The following PPFIA2 variants were observed in gnomAD, a reference collection of about 807,000 sequenced individuals.
The protein encoded by PPFIA2 is PPFI scaffold protein A2, also known as liprin-alpha-2.
Under a neutral mutation model 175.5 loss-of-function variants are expected in PPFIA2, and 46 were observed. The observed-to-expected ratio is 0.26, with a 90% CI of 0.21 to 0.34. The LOEUF is 0.34. Ranked by LOEUF, PPFIA2 falls within the 10% of genes least tolerant of loss-of-function variation. The probability of loss-of-function intolerance (pLI) is 1.00; values close to 1 mark genes in which losing one functional copy is unlikely to be tolerated. For synonymous variants in PPFIA2, 568 were observed against 511.4 expected (o/e 1.11, Z -1.49); for missense variants, 1,179 against 1,506.1 (o/e 0.78, Z 3.60).
chr12:81,582,248 T>C (rs957871073), intron 4 of PPFIA2, among the ~76,000 whole-genome samples: 38 of 152,018 alleles, frequency 2.5e-4, no homozygotes, highest in Non-Finnish European at 2.4e-4. Context: ...TCAAAGAGTC[T>C]TGCTTTTGAA....
intron 3 of PPFIA2, among the ~76,000 whole-genome samples, chr12:81,703,424 C>G (rs150131253): frequency 6.6e-6 from 1 of 152,174 alleles, no homozygotes; most frequent in East Asian, 1.9e-4. Flanking sequence ...AGTCCTATCC[C>G]TTAAGTAGTC....
In PPFIA2 at chr12:81,347,608, G is replaced by T. The variant is rs1194901799; in HGVS notation, c.2157C>A (p.Pro719=). The change falls in exon 18 of 33, where the codon CCC becomes CCA. Residue 719 remains proline, a synonymous_variant. Coordinates refer to ENST00000549396, the MANE Select transcript of PPFIA2 (RefSeq NM_003625.5). Reference sequence around the variant, plus strand: ...TGAGCTTTGGAGTTGAGTGTCCACTGGGGGGAGATGAACTGGCCAGCGATG... The same window carrying T: ...TGAGCTTTGGAGTTGAGTGTCCACTTGGGGGAGATGAACTGGCCAGCGATG... The part of the protein sequence containing the change: ...TASSLASSSP[P]SGHSTPKLTP... 1 of 1,613,570 alleles carries T rather than the reference G, an allele frequency of 6.2e-7. No individual in the cohort carries two copies. Among genetic ancestry groups the T allele is most frequent in the Admixed American group, 1.7e-5 (1 of 60,002 alleles).
intron 22 of PPFIA2, among the ~76,000 whole-genome samples, chr12:81,310,803 A>C (rs1594564695): frequency 1.3e-5 from 2 of 152,182 alleles, no homozygotes; most frequent in Admixed American, 6.5e-5. Context: ...TAACTGAAGC[A>C]AATAATACAT....
chr12:81,451,494 T>G (rs2052574723), intron 5 of PPFIA2, among the ~76,000 whole-genome samples: 1 of 152,174 alleles, frequency 6.6e-6, no homozygotes, highest in African/African-American at 2.4e-5. Context: ...TTTACAAAGC[T>G]AAGAAATGTG....
intron 8 of PPFIA2, among the ~76,000 whole-genome samples, chr12:81,399,318 A>AAAAT (rs2041734337): frequency 6.8e-6 from 1 of 147,484 alleles, no homozygotes; most frequent in African/African-American, 2.5e-5. Context: ...AAAAAAAAAA[A>AAAAT]TTCTGAGTAC....
chr12:81,466,100 T>A (rs2055571259), intron 4 of PPFIA2, among the ~76,000 whole-genome samples: 1 of 152,094 alleles, frequency 6.6e-6, no homozygotes, highest in East Asian at 1.9e-4. Flanking sequence ...ATCGCCTGCA[T>A]AACTAATGTA....
At chr12:81,598,047 A>G (rs1162230178) in intron 4 of PPFIA2, 1 of 1,534,826 alleles carries the variant, frequency 6.5e-7, no homozygotes, top group Non-Finnish European at 8.7e-7. Flanking sequence ...GATCACTGAG[A>G]CAATATAATC....
chr12:81,374,256 T>A lies in PPFIA2; in HGVS notation c.1266+378A>T, dbSNP rs2035857710. ...TAGTTGGAGAGGAATCAAGAAGTTA[T>A]GATATTCTCTATACTTCTAATAGCA... On this transcript the variant is annotated intron_variant, in intron 11 of 32. Transcript: ENST00000549396. Among the ~76,000 whole-genome samples the A allele has an allele frequency of 2.0e-5, 3 of 152,146 alleles. No individual in the cohort carries two copies. In the South Asian group the frequency reaches 6.2e-4, roughly 31 times the overall value.
intron 4 of PPFIA2, among the ~76,000 whole-genome samples, chr12:81,498,976 G>T (rs1387092544): frequency 1.3e-5 from 2 of 152,154 alleles, no homozygotes; most frequent in Non-Finnish European, 2.9e-5. Context: ...GTAAAGAAAA[G>T]AACTGTGCAT....
chr12:81,304,225 G>A (rs922416015), intron 22 of PPFIA2, among the ~76,000 whole-genome samples: 1 of 152,060 alleles, frequency 6.6e-6, no homozygotes, highest in African/African-American at 2.4e-5. Flanking sequence ...TGAATTTGTT[G>A]GTTCACAAGT....
intron 3 of PPFIA2, among the ~76,000 whole-genome samples, chr12:81,717,745 A>G (rs1430201823): frequency 6.6e-6 from 1 of 151,750 alleles, no homozygotes; most frequent in Non-Finnish European, 1.5e-5. Context: ...ACCTTTCAGG[A>G]TTGTGTCTTA....
chr12:81,658,479 A>G (rs1047074117), intron 4 of PPFIA2, among the ~76,000 whole-genome samples: 2 of 152,036 alleles, frequency 1.3e-5, no homozygotes, highest in African/African-American at 4.8e-5. Flanking sequence ...AATTATATGT[A>G]TAAAGCTGTA....
intron 6 of PPFIA2, among the ~76,000 whole-genome samples, chr12:81,443,291 T>C (rs2050572701): frequency 6.6e-6 from 1 of 152,040 alleles, no homozygotes; most frequent in South Asian, 2.1e-4. Flanking sequence ...ATCAAGTCAC[T>C]TATCCAGATC....
At chr12:81,648,002 G>GAA (rs889230756) in intron 4 of PPFIA2, among the ~76,000 whole-genome samples, 1 of 139,190 alleles carries the variant, frequency 7.2e-6, no homozygotes, top group African/African-American at 2.6e-5. Context: ...TAACCAAAAG[G>GAA]AAAAAAAAAA....
At chr12:81,601,384 C>T (rs79009225) in intron 4 of PPFIA2, among the ~76,000 whole-genome samples, 14,282 of 151,662 alleles carry the variant, frequency 0.094, 840 homozygotes, top group South Asian at 0.16. Flanking sequence ...CTAAAAATTG[C>T]CAAGATTTAG....
At chr12:81,467,916 C>G (rs1240049430) in intron 4 of PPFIA2, among the ~76,000 whole-genome samples, 3 of 152,106 alleles carry the variant, frequency 2.0e-5, no homozygotes, top group Admixed American at 1.3e-4. Context: ...TCCCACCTCA[C>G]CCTTTGGGCT....
intron 21 of PPFIA2, among the ~76,000 whole-genome samples, chr12:81,333,598 T>TTAATCAATAATCATG (rs148057201): frequency 0.096 from 14,626 of 152,212 alleles, 873 homozygotes; most frequent in Middle Eastern, 0.16. Context: ...TTAATCAATA[T>TTAATCAATAATCATG]TGACTTTAGA....
chr12:81,386,392 G>A (rs1355811627), intron 8 of PPFIA2, among the ~76,000 whole-genome samples: 4 of 151,854 alleles, frequency 2.6e-5, no homozygotes, highest in Non-Finnish European at 4.4e-5. Flanking sequence ...GGGAAGCTGG[G>A]GTGGGAGGAT....
chr12:81,292,707 G>C (rs1201904951), intron 24 of PPFIA2: 1 of 152,050 alleles, frequency 6.6e-6, no homozygotes, highest in African/African-American at 2.4e-5. Flanking sequence ...AGTCTTGGGA[G>C]AGCCAAAAAT....
Sources: allele counts gnomAD v4.1 joint callset (sites outside exome capture counted in the v4.1 genomes callset), GRCh38; gene constraint gnomAD v4.1.1; transcripts MANE v1.5; gene names NCBI Gene and HGNC (gene_info 2026-07-23, HGNC 2026-07-21).